TCF12: variants seen among roughly 807,000 people sequenced by gnomAD.
TCF12 encodes the protein DNA-binding protein HTF4.
In TCF12, 45 loss-of-function variants were observed where a neutral mutation model predicts 86.0. The observed-to-expected ratio is 0.52, with a 90% CI of 0.41 to 0.67. The LOEUF (loss-of-function observed/expected upper bound fraction) is 0.67. Ranked by LOEUF, TCF12 falls within the 30% of genes least tolerant of loss-of-function variation. TCF12 has a pLI of 0.00. For missense variants in TCF12, 881 were observed against 859.9 expected (o/e 1.02, Z -0.31); for synonymous variants, 330 against 299.6 (o/e 1.10, Z -1.05).
At chr15:56,995,581 G>A (rs2063673785) in intron 3 of TCF12, among the ~76,000 whole-genome samples, 1 of 151,916 alleles carries the variant, frequency 6.6e-6, no homozygotes, top group African/African-American at 2.4e-5. Flanking sequence ...ATTGTAAATT[G>A]GAGTGTGTTC....
At position 57,247,680 on chromosome 15, in the gene TCF12, T is replaced by TTAGA. The variant is rs2059926618; in HGVS notation, c.1115-3668_1115-3665dup. 8.0e-6 allele frequency: 6 copies of TTAGA among 752,888 alleles called. No homozygotes were observed. The East Asian group carries it at 1.2e-4, about 15-fold the overall frequency. 46.6% of individuals were successfully genotyped at this position (752,888 alleles called of 1,614,324 possible). On this transcript the variant is annotated intron_variant, in intron 13 of 20. Coordinates refer to ENST00000333725, the MANE Select transcript of TCF12 (RefSeq NM_207037.2). ...CCACCAACAAAAATTTTCCTCACTG[T>TTAGA]TAGATGGGCACCAGACTTTACAGAA...
At chr15:57,236,512 G>T (rs1471772818) in intron 12 of TCF12, among the ~76,000 whole-genome samples, 1 of 152,056 alleles carries the variant, frequency 6.6e-6, no homozygotes, top group African/African-American at 2.4e-5. Flanking sequence ...ATAGCCTCTG[G>T]TTTTAGATGG....
At chr15:57,069,553 T>C (rs1464820693) in intron 4 of TCF12, among the ~76,000 whole-genome samples, 1 of 152,236 alleles carries the variant, frequency 6.6e-6, no homozygotes, top group Non-Finnish European at 1.5e-5. Flanking sequence ...TGGTTATATA[T>C]GTTCTGTCTC....
At chr15:56,938,646 T>G (rs1477128652) in intron 3 of TCF12, among the ~76,000 whole-genome samples, 1 of 151,840 alleles carries the variant, frequency 6.6e-6, no homozygotes, top group Non-Finnish European at 1.5e-5. Context: ...CGAGACTTTT[T>G]TTTTTTTTTT....
intron 4 of TCF12, among the ~76,000 whole-genome samples, chr15:57,073,809 C>A (rs979380885): frequency 1.1e-4 from 17 of 152,066 alleles, no homozygotes; most frequent in African/African-American, 4.1e-4. Flanking sequence ...AGTACGGTGG[C>A]GCAATCTTGG....
At chr15:56,959,171 G>A (rs1291726342) in intron 3 of TCF12, among the ~76,000 whole-genome samples, 2 of 152,110 alleles carry the variant, frequency 1.3e-5, no homozygotes, top group African/African-American at 4.8e-5. Context: ...GCACACAGTA[G>A]GTGCTCAAAT....
At chr15:57,201,235 A>G (rs2057527727) in intron 8 of TCF12, among the ~76,000 whole-genome samples, 1 of 152,092 alleles carries the variant, frequency 6.6e-6, no homozygotes, top group African/African-American at 2.4e-5. Flanking sequence ...ATTGTCTTCT[A>G]GGACCTCACT....
intron 3 of TCF12, among the ~76,000 whole-genome samples, chr15:57,044,480 G>A (rs188289490): frequency 1.3e-3 from 191 of 152,156 alleles, no homozygotes; most frequent in Middle Eastern, 6.8e-3. Context: ...TGAACTTTTT[G>A]TTTGTTAGAG....
At chr15:57,266,086 ATTAT>A (rs60211131) in intron 18 of TCF12, among the ~76,000 whole-genome samples, 3,106 of 110,184 alleles carry the variant, frequency 0.028, 34 homozygotes, top group Middle Eastern at 0.047. Flanking sequence ...TTTTGTTTTT[ATTAT>A]TTATTTATTT....
intron 5 of TCF12, among the ~76,000 whole-genome samples, chr15:57,130,597 A>G (rs1397872103): frequency 1.3e-5 from 2 of 152,188 alleles, no homozygotes; most frequent in Non-Finnish European, 2.9e-5. Context: ...AGAGCCGTCA[A>G]TTTTCTTGTG....
At chr15:56,953,768 G>T (rs1279584883) in intron 3 of TCF12, among the ~76,000 whole-genome samples, 1 of 150,150 alleles carries the variant, frequency 6.7e-6, no homozygotes, top group African/African-American at 2.4e-5. Context: ...TGATGTTACT[G>T]CTCTTATTCC....
chr15:57,232,979 A>G (rs1303901813), intron 11 of TCF12, 123 bp downstream of exon 11: 10 of 570,202 alleles, frequency 1.8e-5, no homozygotes, highest in East Asian at 6.0e-5. Context: ...TATATGTTAT[A>G]TATGTATATG....
intron 8 of TCF12, among the ~76,000 whole-genome samples, chr15:57,227,122 A>T (rs539225280): frequency 6.6e-6 from 1 of 152,112 alleles, no homozygotes; most frequent in Admixed American, 6.5e-5. Flanking sequence ...CAGGCTGTAG[A>T]TCTGATTTTT....
At chr15:57,060,768 T>G (rs2068403584) in intron 3 of TCF12, among the ~76,000 whole-genome samples, 1 of 152,246 alleles carries the variant, frequency 6.6e-6, no homozygotes, top group African/African-American at 2.4e-5. Context: ...TTTGGTCAAT[T>G]TGTATAATAT....
intron 6 of TCF12, among the ~76,000 whole-genome samples, chr15:57,178,453 T>C (rs1284493858): frequency 6.6e-6 from 1 of 152,198 alleles, no homozygotes; most frequent in Non-Finnish European, 1.5e-5. Flanking sequence ...AGAGGATACT[T>C]AGTTGCTCCA....
At chr15:56,966,178 TGA>T in intron 3 of TCF12, among the ~76,000 whole-genome samples, 1 of 152,238 alleles carries the variant, frequency 6.6e-6, no homozygotes, top group African/African-American at 2.4e-5. Flanking sequence ...TCTTAATTTG[TGA>T]ATTTTTAGTT....
chr15:57,216,488 T>C (rs1283352184), intron 8 of TCF12, among the ~76,000 whole-genome samples: 1 of 151,748 alleles, frequency 6.6e-6, no homozygotes, highest in Non-Finnish European at 1.5e-5. Context: ...GAAATCAGGT[T>C]TAAAAATTGG....
In TCF12 at chr15:56,936,905, T is replaced by C. The variant is rs1427146492; in HGVS notation, c.148+15807T>C. 2.6e-5 allele frequency among the ~76,000 whole-genome samples: 4 copies of C among 152,296 alleles called. No individual in the cohort carries two copies. The East Asian group carries it at 7.7e-4, about 29-fold the overall frequency. On this transcript the variant is annotated intron_variant, in intron 3 of 20. Coordinates refer to ENST00000333725, the MANE Select transcript of TCF12 (RefSeq NM_207037.2). ...TACAGTCTAGTTTGAAGTCAGGTAA[T>C]GTGATGCCAGATTTGATCTTTTTGC...
At chr15:57,216,252 G>C (rs775579533) in intron 8 of TCF12, among the ~76,000 whole-genome samples, 7 of 151,938 alleles carry the variant, frequency 4.6e-5, no homozygotes, top group South Asian at 2.1e-4. Flanking sequence ...ATTTTGTCAG[G>C]GTCCTCTGGC....
Sources: gnomAD v4.1 joint callset for allele counts (sites outside exome capture counted in the v4.1 genomes callset) on GRCh38, gnomAD v4.1.1 for gene constraint, MANE v1.5 for transcripts, NCBI Gene and HGNC (gene_info 2026-07-23, HGNC 2026-07-21) for gene names.